Variants in DNAH7 observed in about 807,000 individuals in gnomAD.
DNAH7 encodes axonemal beta dynein heavy chain 7.
A neutral mutation model predicts 444.6 loss-of-function variants in DNAH7; 397 were observed. That is an observed-to-expected ratio of 0.89 (90% confidence interval 0.82 to 0.97). The LOEUF (loss-of-function observed/expected upper bound fraction) is 0.97. DNAH7 is among the 50% of genes least tolerant of loss of function. DNAH7 has a pLI of 0.00. For synonymous variants in DNAH7, 1,636 were observed against 1,624.4 expected (o/e 1.01, Z -0.17); for missense variants, 4,902 against 4,800.8 (o/e 1.02, Z -0.62).
At position 195,824,394 on chromosome 2, in the gene DNAH7, A is replaced by G; in HGVS notation, c.9152T>C (p.Leu3051Pro). 6.2e-7 allele frequency: 1 copy of G among 1,612,634 alleles called. No homozygotes were observed. Among genetic ancestry groups the G allele is most frequent in the South Asian group, 1.1e-5 (1 of 90,720 alleles). Residue 3051 changes from leucine to proline, a missense_variant, in exon 49 of 65, where the codon CTA (leucine) becomes CCA (proline). Physicochemically the swap from Leu to Pro is moderately conservative, Grantham distance 98. Transcript: ENST00000312428. ...ACCCTGCTTAAAGGTTTGTTTTAGTAGAAGAGGTTCCAAAATAGGATCTAG... is the reference window on the plus strand; with the variant it reads ...ACCCTGCTTAAAGGTTTGTTTTAGTGGAAGAGGTTCCAAAATAGGATCTAG... ...EELDPILEPL[L>P]LKQTFKQGGS...
intron 43 of DNAH7, 47 bp from the exon 44 acceptor site, chr2:195,857,770 C>T (rs1471731995): frequency 6.8e-7 from 1 of 1,466,278 alleles, no homozygotes; most frequent in Non-Finnish European, 9.1e-7. Context: ...TTTGTTTATA[C>T]AGTAATTGTA....
At chr2:196,056,216 G>A (rs1233963548) in intron 2 of DNAH7, among the ~76,000 whole-genome samples, 12 of 152,042 alleles carry the variant, frequency 7.9e-5, no homozygotes, top group African/African-American at 1.2e-4. Context: ...AGGCCGAGGC[G>A]GGCGGATTAC....
intron 20 of DNAH7, among the ~76,000 whole-genome samples, chr2:195,935,992 G>T (rs1689023525): frequency 6.6e-6 from 1 of 152,306 alleles, no homozygotes; most frequent in East Asian, 1.9e-4. Context: ...TCTGTGTGGG[G>T]CATTGCAAAC....
intron 2 of DNAH7, among the ~76,000 whole-genome samples, chr2:196,055,447 C>T (rs1238779275): frequency 6.6e-6 from 1 of 151,992 alleles, no homozygotes; most frequent in South Asian, 2.1e-4. Context: ...CAATGAGCTT[C>T]AGACAGTACT....
At chr2:195,930,426 TG>T (rs1337197649) in intron 21 of DNAH7, among the ~76,000 whole-genome samples, 1 of 152,016 alleles carries the variant, frequency 6.6e-6, no homozygotes, top group Non-Finnish European at 1.5e-5. Context: ...ATATGAAAAA[TG>T]CTCCACATCA....
At chr2:195,882,861 A>C (rs1701471642) in intron 35 of DNAH7, among the ~76,000 whole-genome samples, 1 of 152,016 alleles carries the variant, frequency 6.6e-6, no homozygotes, top group African/African-American at 2.4e-5. Flanking sequence ...CCTGGGCCCG[A>C]GCTTTGATGC....
chr2:195,812,678 C>G (rs1001302033), intron 51 of DNAH7, among the ~76,000 whole-genome samples: 1 of 152,064 alleles, frequency 6.6e-6, no homozygotes, highest in Admixed American at 6.5e-5. Context: ...GAATGAAATA[C>G]ATTTATATCC....
At chr2:195,924,319 T>G (rs1417253755) in intron 22 of DNAH7, among the ~76,000 whole-genome samples, 1 of 152,168 alleles carries the variant, frequency 6.6e-6, no homozygotes, top group Non-Finnish European at 1.5e-5. Context: ...AGCCCAGGGC[T>G]GGGCGTGGAG....
intron 63 of DNAH7, among the ~76,000 whole-genome samples, chr2:195,750,440 C>T (rs539084806): frequency 4.6e-5 from 7 of 152,116 alleles, no homozygotes; most frequent in African/African-American, 1.7e-4. Flanking sequence ...CAAATGTGAC[C>T]CTCTGCGTAT....
At chr2:195,892,888 C>T (rs1191618993) in intron 30 of DNAH7, 1 of 149,218 alleles carries the variant, frequency 6.7e-6, no homozygotes, top group African/African-American at 2.5e-5. Context: ...CACTCCCGAG[C>T]TTGGGACACA....
intron 44 of DNAH7, among the ~76,000 whole-genome samples, chr2:195,856,633 ATTAC>A (rs963916114): frequency 2.6e-5 from 4 of 152,210 alleles, no homozygotes; most frequent in Admixed American, 6.5e-5. Flanking sequence ...AAAAATAATA[ATTAC>A]CCTGTTTTGC....
chr2:195,740,216 C>T (rs1350095248), intron 64 of DNAH7, among the ~76,000 whole-genome samples: 2 of 152,100 alleles, frequency 1.3e-5, no homozygotes, highest in African/African-American at 2.4e-5. Context: ...AACTCCCGAC[C>T]TCAGGTGATC....
chr2:195,803,278 T>C (rs1000821003), intron 54 of DNAH7, among the ~76,000 whole-genome samples: 3 of 152,226 alleles, frequency 2.0e-5, no homozygotes, highest in African/African-American at 4.8e-5. Flanking sequence ...GTTTGAATTA[T>C]AAATGGCCTC....
intron 55 of DNAH7, 145 bp downstream of exon 55, chr2:195,799,151 A>G: frequency 7.8e-6 from 5 of 642,810 alleles, no homozygotes; most frequent in Non-Finnish European, 1.2e-5. Context: ...TTTTAGTATC[A>G]TTTTCTTGGG....
intron 24 of DNAH7, 110 bp downstream of exon 24, chr2:195,921,978 A>C: frequency 1.5e-6 from 1 of 652,234 alleles, no homozygotes; most frequent in East Asian, 2.8e-5. Context: ...GGAAAAAATA[A>C]CACAGGCTAA....
At position 196,026,844 on chromosome 2, in the gene DNAH7, G is replaced by A. The variant is rs1695720171; in HGVS notation, c.583C>T (p.His195Tyr). The A allele has an allele frequency of 3.1e-6, 5 of 1,612,244 alleles. No homozygotes were observed. Among genetic ancestry groups the A allele is most frequent in the Non-Finnish European group, 3.4e-6 (4 of 1,178,744 alleles). The change falls in exon 7 of 65, where the codon CAT (histidine) becomes TAT (tyrosine). Residue 195 changes from histidine (H) to tyrosine (Y), a missense_variant. His to Tyr is a moderately conservative substitution (Grantham distance 83, BLOSUM62 2). Transcript: ENST00000312428. The part of the protein sequence containing the change: ...LEHVLDLVPQ[H>Y]LKVFTDSIVT... ...ATGCTGTCAGTGAAGACTTTCAGAT[G>A]TTGTGGAACTAAATCCAGTACGTGT... is the stretch of plus-strand genomic sequence containing the variant.
intron 15 of DNAH7, among the ~76,000 whole-genome samples, chr2:195,980,672 G>A (rs1295055553): frequency 6.6e-6 from 1 of 152,130 alleles, no homozygotes; most frequent in Non-Finnish European, 1.5e-5. Context: ...GACTAGGTGG[G>A]ATTTATCCCA....
At chr2:195,803,158 C>T (rs568875384) in intron 54 of DNAH7, among the ~76,000 whole-genome samples, 2 of 152,258 alleles carry the variant, frequency 1.3e-5, no homozygotes, top group African/African-American at 4.8e-5. Context: ...CAAAAAAACC[C>T]CACTTTTTCC....
rs1418235401 is a variant in DNAH7 at position 195,907,017 on chromosome 2, A to G, written c.4105-8T>C. On this transcript the variant is annotated splice_polypyrimidine_tract_variant and splice_region_variant and intron_variant, in intron 25 of 64. Transcript: ENST00000312428. Reference sequence around the variant, plus strand: ...TCCACAAGATAACAGTCCCTATGAGAAAAGAGTAATGAAAATTTTTGACTT... The same window carrying G: ...TCCACAAGATAACAGTCCCTATGAGGAAAGAGTAATGAAAATTTTTGACTT... The G allele has an allele frequency of 1.2e-6, 2 of 1,600,886 alleles. No homozygotes were observed. The highest frequency in any genetic ancestry group is 1.7e-6 in the Non-Finnish European group (2 of 1,174,622).
Sources: gnomAD v4.1 joint callset for allele counts (sites outside exome capture counted in the v4.1 genomes callset) on GRCh38, gnomAD v4.1.1 for gene constraint, MANE v1.5 for transcripts, NCBI Gene and HGNC (gene_info 2026-07-23, HGNC 2026-07-21) for gene names.